Variants in MZT2B observed in about 807,000 individuals in gnomAD.
MZT2B encodes the protein mitotic spindle organizing protein 2B, also known as mitotic-spindle organizing protein 2B.
Under a neutral mutation model 12.1 loss-of-function variants are expected in MZT2B, and 11 were observed. That is an observed-to-expected ratio of 0.91 (90% CI 0.57 to 1.50). The LOEUF is 1.50. Ranked by LOEUF, MZT2B falls within the 40% of genes most tolerant of loss-of-function variation. MZT2B has a pLI of 0.00. For missense variants in MZT2B, 209 were observed against 227.7 expected (o/e 0.92, Z 0.53); for synonymous variants, 85 against 109.5 (o/e 0.78, Z 1.40).
downstream of MZT2B, among the ~76,000 whole-genome samples, chr2:130,195,441 T>G (rs565478002): frequency 8.7e-4 from 133 of 152,362 alleles, 3 homozygotes; most frequent in Non-Finnish European, 1.3e-4. Context: ...TAAACTCAGC[T>G]TGTGGTATAA....
At chr2:130,194,710 C>T (rs1159915595), downstream of MZT2B, among the ~76,000 whole-genome samples, 1 of 152,080 alleles carries the variant, frequency 6.6e-6, no homozygotes, top group Non-Finnish European at 1.5e-5. Flanking sequence ...CGGAATCTTG[C>T]TCTGTTGCCC....
the MZT2B span, among the ~76,000 whole-genome samples, chr2:130,199,506 C>T: frequency 3.3e-5 from 4 of 121,874 alleles, 1 homozygote; most frequent in East Asian, 2.6e-4. Context: ...GCTGAGATCA[C>T]GCCACTGCAC....
chr2:130,183,065 C>T (rs2599744), intron 2 of MZT2B: 3 of 545,186 alleles, frequency 5.5e-6, no homozygotes, highest in South Asian at 4.6e-5. Context: ...CATCCTACAA[C>T]GTCGGGAATC....
At chr2:130,181,724 G>T (rs1357479240), upstream of MZT2B, 4 of 1,548,930 alleles carry the variant, frequency 2.6e-6, no homozygotes, top group African/African-American at 1.4e-5. Flanking sequence ...GAGAAATGGC[G>T]AGGCAGGAGT....
In MZT2B at chr2:130,182,268, C is replaced by T. The variant is rs1192523909; in HGVS notation, c.-15C>T. 4 of 1,297,330 alleles carry T rather than the reference C, an allele frequency of 3.1e-6. No individual in the cohort carries two copies. The highest frequency in any genetic ancestry group is 3.9e-6 in the Non-Finnish European group (4 of 1,031,532). 80.4% of individuals were successfully genotyped at this position (1,297,330 alleles called of 1,614,324 possible). A position where few individuals can be genotyped will look rare whatever the true frequency, so the allele number is the denominator to read the frequency against. ...GCGCGGCGGGGCGGAGCGCACCTTTCCGCGGGCCGCGGGGATGGCGGCGCA... is the reference window on the plus strand; with the variant it reads ...GCGCGGCGGGGCGGAGCGCACCTTTTCGCGGGCCGCGGGGATGGCGGCGCA... On this transcript the variant is annotated 5_prime_UTR_variant, in exon 1 of 3. Coordinates refer to ENST00000281871, the MANE Select transcript of MZT2B (RefSeq NM_025029.5).
intron 2 of MZT2B, among the ~76,000 whole-genome samples, chr2:130,189,802 G>T (rs1440692040): frequency 2.6e-5 from 4 of 152,124 alleles, no homozygotes; most frequent in African/African-American, 9.7e-5. Context: ...TGAACCAGTG[G>T]TCTTCATCCA....
At chr2:130,201,160 G>A in the MZT2B span, among the ~76,000 whole-genome samples, 58,365 of 151,002 alleles carry the variant, frequency 0.39, 9,739 homozygotes, top group Admixed American at 0.47. Context: ...AGTGCAATCA[G>A]GTCTTCCCTT....
chr2:130,184,148 C>T, intron 2 of MZT2B: 4 of 1,487,632 alleles, frequency 2.7e-6, no homozygotes, highest in East Asian at 2.5e-5. Flanking sequence ...CATAGTGTGG[C>T]AGTCTCTAGA....
chr2:130,190,589 G>A lies in MZT2B; in HGVS notation c.440G>A (p.Gly147Asp), dbSNP rs1409109943. The change falls in exon 3 of 3, where the codon GGC becomes GAC. Residue 147 changes from glycine to aspartate, a missense_variant. Physicochemically the swap from Gly to Asp is moderately conservative, Grantham distance 94 (BLOSUM62 -1). Transcript: ENST00000281871. Reference sequence around the variant, plus strand: ...AGCGCTACCAGGCTGCCCAAGGGGGGCGGGCCTGGGAAGAGCCCTACACGG... The same window carrying A: ...AGCGCTACCAGGCTGCCCAAGGGGGACGGGCCTGGGAAGAGCCCTACACGG... Reference protein sequence around the residue: ...QPSATRLPKGGGPGKSPTRGS... With the variant: ...QPSATRLPKGDGPGKSPTRGS... The A allele has an allele frequency of 8.7e-6, 14 of 1,613,102 alleles. No homozygotes were observed. Among genetic ancestry groups the A allele is most frequent in the African/African-American group, 2.7e-5 (2 of 74,930 alleles).
the MZT2B span, chr2:130,202,204 C>CT: frequency 1.2e-6 from 1 of 861,926 alleles, no homozygotes; most frequent in Non-Finnish European, 1.6e-6. Flanking sequence ...GTATACAGCA[C>CT]TAAAAAAAAC....
the MZT2B span, among the ~76,000 whole-genome samples, chr2:130,197,304 T>C: frequency 2.0e-5 from 3 of 150,308 alleles, no homozygotes; most frequent in Admixed American, 1.3e-4. Context: ...CTGGGTAACA[T>C]AGTGAGTCCC....
chr2:130,193,525 C>T (rs62165072), downstream of MZT2B, among the ~76,000 whole-genome samples: 1,057 of 149,942 alleles, frequency 7.0e-3, 8 homozygotes, highest in Non-Finnish European at 0.011. Flanking sequence ...CAGAGAATTG[C>T]TTGAACCCGG....
chr2:130,193,462 A>C (rs1690319755), downstream of MZT2B, among the ~76,000 whole-genome samples: 1 of 151,536 alleles, frequency 6.6e-6, no homozygotes, highest in Non-Finnish European at 1.5e-5. Context: ...TACAAAAATT[A>C]GCCGGGCATG....
Position 130,182,639 on chromosome 2 carries a change from C to A in MZT2B, c.183C>A (p.Asp61Glu). The change falls in exon 2 of 3, where the codon GAC (aspartate) becomes GAA (glutamate). Residue 61 changes from aspartate (D) to glutamate (E), a missense_variant. Coordinates refer to ENST00000281871, the MANE Select transcript of MZT2B (RefSeq NM_025029.5). Reference sequence around the variant, plus strand: ...CTGTCCCCGCCAGGATCCTGGTGGACCTGCTGAAGCTGAACGTGGCCCCCC... The same window carrying A: ...CTGTCCCCGCCAGGATCCTGGTGGAACTGCTGAAGCTGAACGTGGCCCCCC... ...IDPDVFKILV[D>E]LLKLNVAPLA... is the part of the protein sequence containing the mutation. The A allele has an allele frequency of 6.5e-7, 1 of 1,537,350 alleles. No homozygotes were observed.
intron 2 of MZT2B, chr2:130,183,806 C>A (rs1168121053): frequency 6.4e-7 from 1 of 1,550,736 alleles, no homozygotes; most frequent in East Asian, 2.4e-5. Context: ...TTCTCTCTGC[C>A]AGGAACAGTA....
At chr2:130,183,849 C>T in intron 2 of MZT2B, 1 of 1,550,662 alleles carries the variant, frequency 6.4e-7, no homozygotes, top group Non-Finnish European at 8.7e-7. Flanking sequence ...TTCCTCCAGC[C>T]CGCAGCCTGC....
At chr2:130,181,859 C>T (rs1472694608), upstream of MZT2B, 6 of 1,535,176 alleles carry the variant, frequency 3.9e-6, no homozygotes, top group African/African-American at 2.8e-5. Flanking sequence ...TAGTGCCCCC[C>T]CCTTCCCCCC....
chr2:130,181,726 G>T (rs1449352217), upstream of MZT2B: 16 of 1,549,012 alleles, frequency 1.0e-5, no homozygotes, highest in African/African-American at 1.4e-5. Context: ...GAAATGGCGA[G>T]GCAGGAGTGC....
chr2:130,200,340 G>A, the MZT2B span, among the ~76,000 whole-genome samples: 565 of 145,168 alleles, frequency 3.9e-3, 3 homozygotes, highest in African/African-American at 0.014. Flanking sequence ...GCAGTGAGCC[G>A]AGATAACACC....
Sources: allele counts gnomAD v4.1 joint callset (sites outside exome capture counted in the v4.1 genomes callset), GRCh38; gene constraint gnomAD v4.1.1; transcripts MANE v1.5; gene names NCBI Gene and HGNC (gene_info 2026-07-23, HGNC 2026-07-21).